LARGE1: variants seen among roughly 807,000 people sequenced by gnomAD.
The protein encoded by LARGE1 is xylosyl- and glucuronyltransferase LARGE1.
LARGE1 carries 43 observed loss-of-function variants against 87.6 expected under a neutral mutation model. That is an observed-to-expected ratio of 0.49 (90% CI 0.38 to 0.63). LARGE1 has a LOEUF of 0.63. Ranked by LOEUF, LARGE1 falls within the 30% of genes least tolerant of loss-of-function variation. LARGE1 has a pLI of 0.00. For missense variants in LARGE1, 802 were observed against 1,000.2 expected, an observed-to-expected ratio of 0.80 and a Z score of 2.67; for synonymous variants, 434 against 394.6, an observed-to-expected ratio of 1.10 and a Z score of -1.18.
At chr22:33,909,242 T>C (rs1210546933) in intron 1 of LARGE1, among the ~76,000 whole-genome samples, 1 of 152,210 alleles carries the variant, frequency 6.6e-6, no homozygotes, top group Non-Finnish European at 1.5e-5. Flanking sequence ...CAAATGTTTG[T>C]GAGCCAGTGA....
intron 1 of LARGE1, among the ~76,000 whole-genome samples, chr22:33,776,334 C>T (rs910783009): frequency 1.3e-5 from 2 of 152,166 alleles, no homozygotes; most frequent in African/African-American, 2.4e-5. Context: ...TGGGGTGACA[C>T]AGGTACAGAA....
At chr22:33,070,647 C>G in the LARGE1 span, among the ~76,000 whole-genome samples, 3 of 152,276 alleles carry the variant, frequency 2.0e-5, no homozygotes, top group African/African-American at 7.2e-5. Flanking sequence ...ACCGTGAGAG[C>G]ATAGCACACT....
In LARGE1 at chr22:33,179,348, T is replaced by C. The variant is rs538596064; in HGVS notation, c.1731-12516A>G. Among the ~76,000 whole-genome samples the C allele has an allele frequency of 2.6e-5, 4 of 152,332 alleles. No individual in the cohort carries two copies. In the South Asian group the frequency reaches 8.3e-4, roughly 32 times the overall value. On this transcript the variant is annotated intron_variant, in intron 11 of 11. Transcript: ENST00000608642. Reference sequence around the variant, plus strand: ...AGCACTAGAAAAGCCCTTTGCCCCCTACACACTTATACCTGGATCTTTCTT... The same window carrying C: ...AGCACTAGAAAAGCCCTTTGCCCCCCACACACTTATACCTGGATCTTTCTT...
chr22:33,701,673 A>T (rs567308942), intron 2 of LARGE1, among the ~76,000 whole-genome samples: 1 of 152,362 alleles, frequency 6.6e-6, no homozygotes, highest in East Asian at 1.9e-4. Context: ...CTCAACAGCA[A>T]AAGTGATTGT....
At chr22:33,807,003 C>T (rs921812131) in intron 1 of LARGE1, among the ~76,000 whole-genome samples, 6 of 130,946 alleles carry the variant, frequency 4.6e-5, no homozygotes, top group South Asian at 2.9e-4. Flanking sequence ...AGTGAGACTC[C>T]GTCTCAAAAA....
intron 1 of LARGE1, among the ~76,000 whole-genome samples, chr22:33,762,347 G>C (rs2084764777): frequency 6.6e-6 from 1 of 151,938 alleles, no homozygotes; most frequent in South Asian, 2.1e-4. Flanking sequence ...ACTCTGGAAG[G>C]GCAGATAAAG....
intron 2 of LARGE1, among the ~76,000 whole-genome samples, chr22:33,712,302 T>C (rs1297310758): frequency 6.6e-6 from 1 of 152,130 alleles, no homozygotes; most frequent in African/African-American, 2.4e-5. Flanking sequence ...GGCCTTGAGC[T>C]AGTAAAGATG....
In LARGE1 at chr22:33,267,220, G is replaced by A. The variant is rs556425315; in HGVS notation, c.1730+37009C>T. Reference sequence around the variant, plus strand: ...TGTGCTACTGCACTCCAGCCTGGGCGACAGAGGGGACCCTGTCTCAAAAGA... The same window carrying A: ...TGTGCTACTGCACTCCAGCCTGGGCAACAGAGGGGACCCTGTCTCAAAAGA... On this transcript the variant is annotated intron_variant, in intron 11 of 11. Transcript: ENST00000608642. 7.8e-4 allele frequency among the ~76,000 whole-genome samples: 119 copies of A among 151,750 alleles called. 2 individuals are homozygous for A. The South Asian group carries it at 0.01, about 13-fold the overall frequency.
chr22:33,113,086 T>A, the LARGE1 span, among the ~76,000 whole-genome samples: 1 of 152,196 alleles, frequency 6.6e-6, no homozygotes, highest in Non-Finnish European at 1.5e-5. Context: ...TTTTTGTAGG[T>A]TTTAAAGGAA....
At chr22:33,922,454 C>G (rs897924330), upstream of LARGE1, 1 of 152,358 alleles carries the variant, frequency 6.6e-6, no homozygotes, top group Non-Finnish European at 1.5e-5. Flanking sequence ...CCCGCTTTGC[C>G]CCGGCTCCGG....
At chr22:33,334,950 C>G (rs375787764) in intron 10 of LARGE1, among the ~76,000 whole-genome samples, 16 of 152,126 alleles carry the variant, frequency 1.1e-4, no homozygotes, top group African/African-American at 3.9e-4. Context: ...CTCGCCGATC[C>G]CCCCAGGGGA....
the LARGE1 span, among the ~76,000 whole-genome samples, chr22:33,131,554 T>C: frequency 1.3e-5 from 2 of 151,892 alleles, no homozygotes; most frequent in Admixed American, 6.5e-5. Context: ...ACAATCATGG[T>C]CGAAGGCAAA....
intron 1 of LARGE1, among the ~76,000 whole-genome samples, chr22:33,770,673 A>G (rs1447657749): frequency 6.6e-6 from 1 of 152,178 alleles, no homozygotes; most frequent in Non-Finnish European, 1.5e-5. Context: ...CAACAGAGTG[A>G]GACCCTATCT....
chr22:33,159,290 G>A (rs1921950088), downstream of LARGE1, among the ~76,000 whole-genome samples: 1 of 152,188 alleles, frequency 6.6e-6, no homozygotes, highest in Non-Finnish European at 1.5e-5. Flanking sequence ...AATATTTGTT[G>A]TATATACTAA....
chr22:33,191,954 T>A (rs903488578), intron 11 of LARGE1, among the ~76,000 whole-genome samples: 1 of 152,188 alleles, frequency 6.6e-6, no homozygotes, highest in Admixed American at 6.5e-5. Context: ...CTTATATGAC[T>A]TCAAGCATAA....
intron 1 of LARGE1, among the ~76,000 whole-genome samples, chr22:33,795,308 A>G (rs2085944814): frequency 6.6e-6 from 1 of 152,230 alleles, no homozygotes; most frequent in Non-Finnish European, 1.5e-5. Context: ...AACAGCCATA[A>G]TAATTACTAC....
At chr22:33,314,020 C>T (rs926704186) in intron 11 of LARGE1, among the ~76,000 whole-genome samples, 1 of 152,204 alleles carries the variant, frequency 6.6e-6, no homozygotes, top group African/African-American at 2.4e-5. Context: ...ACATATTCCC[C>T]TCCCACTAAG....
At chr22:33,743,605 C>T (rs1230785044) in intron 2 of LARGE1, among the ~76,000 whole-genome samples, 2 of 152,182 alleles carry the variant, frequency 1.3e-5, no homozygotes, top group African/African-American at 2.4e-5. Context: ...GCTACCCAGC[C>T]GGTGATCTGG....
rs1168112894 is a variant in LARGE1, at chr22:33,180,384, C to T, written c.1731-13552G>A. ...AAACCACGATTAGATACCACTTAGG[C>T]CCACAAGAATGGTTATGATTTTAAA... On this transcript the variant is annotated intron_variant, in intron 11 of 11. Coordinates refer to the LARGE1 transcript ENST00000608642. Among the ~76,000 whole-genome samples, 3 of 152,148 alleles carry T rather than the reference C, an allele frequency of 2.0e-5. No homozygotes were observed. The East Asian group carries it at 5.8e-4, about 29-fold the overall frequency.
Sources: gnomAD v4.1 joint callset for allele counts (sites outside exome capture counted in the v4.1 genomes callset) on GRCh38, gnomAD v4.1.1 for gene constraint, MANE v1.5 for transcripts, NCBI Gene and HGNC (gene_info 2026-07-23, HGNC 2026-07-21) for gene names.